Variants in NFIB observed in about 807,000 individuals in gnomAD.
NFIB encodes nuclear factor I B, also known as nuclear factor 1 B-type.
Under a neutral mutation model 61.5 loss-of-function variants are expected in NFIB, and 11 were observed. That is an observed-to-expected ratio of 0.18 (90% CI 0.11 to 0.30). The LOEUF is 0.30. Ranked by LOEUF, NFIB falls within the 10% of genes least tolerant of loss-of-function variation. The pLI is 1.00. For missense variants in NFIB, 471 were observed against 608.9 expected (o/e 0.77, Z 2.38); for synonymous variants, 260 against 216.5 (o/e 1.20, Z -1.76).
intron 2 of NFIB, among the ~76,000 whole-genome samples, chr9:14,182,708 C>CTCTCTCTCTGTGGGTG (rs778914837): frequency 1.0e-5 from 1 of 96,994 alleles, no homozygotes; most frequent in Admixed American, 1.1e-4. Context: ...CTCTCTCTCT[C>CTCTCTCTCTGTGGGTG]TGTGTGTGTG....
At chr9:14,388,367 A>AAGGAAG (rs2061576618) in intron 1 of NFIB, among the ~76,000 whole-genome samples, 14 of 131,922 alleles carry the variant, frequency 1.1e-4, no homozygotes, top group African/African-American at 4.2e-4. Flanking sequence ...AGAGAAAGAA[A>AAGGAAG]GAAGGAAGGA....
intron 10 of NFIB, among the ~76,000 whole-genome samples, chr9:14,111,220 T>G (rs1267503422): frequency 6.6e-6 from 1 of 152,176 alleles, no homozygotes; most frequent in Admixed American, 6.5e-5. Context: ...TTGCTAAGTT[T>G]TCTTGATATA....
At chr9:14,411,298 G>A in the NFIB span, among the ~76,000 whole-genome samples, 1 of 152,130 alleles carries the variant, frequency 6.6e-6, no homozygotes, top group Non-Finnish European at 1.5e-5. Flanking sequence ...TCTCTACATT[G>A]CACCAGTAAT....
upstream of NFIB, among the ~76,000 whole-genome samples, chr9:14,318,604 A>T (rs1350470729): frequency 7.1e-6 from 1 of 140,038 alleles, no homozygotes; most frequent in Non-Finnish European, 1.5e-5. Context: ...ATCAATATTT[A>T]AAAACTAAAT....
At chr9:14,514,076 C>T in the NFIB span, among the ~76,000 whole-genome samples, 2 of 152,016 alleles carry the variant, frequency 1.3e-5, no homozygotes, top group South Asian at 4.2e-4. Flanking sequence ...GAGAATTCAG[C>T]AAATAAAATT....
chr9:14,313,624 ACGGGGCT>A lies in NFIB; in HGVS notation c.-120_-114del. 6.3e-7 allele frequency: 1 copy of A among 1,589,914 alleles called. No homozygotes were observed. Among genetic ancestry groups the A allele is most frequent in the East Asian group, 2.3e-5 (1 of 44,170 alleles). Reference sequence around the variant, plus strand: ...GAGCCCCGCGATGCGATCAATCAGGACGGGGCTCTGCGCTGGATCACCGCAACTTCAC... The same window carrying A: ...GAGCCCCGCGATGCGATCAATCAGGACTGCGCTGGATCACCGCAACTTCAC... On this transcript the variant is annotated 5_prime_UTR_variant, in exon 1 of 11. Transcript: ENST00000380953. The surrounding 1 kb of genome is among the most constrained non-coding windows in gnomAD (Gnocchi z 4.5).
At chr9:14,348,382 A>C (rs994305351) in intron 1 of NFIB, among the ~76,000 whole-genome samples, 1 of 150,960 alleles carries the variant, frequency 6.6e-6, no homozygotes, top group African/African-American at 2.4e-5. Context: ...TTACAGCCTG[A>C]AGCAGCTTAT....
At chr9:14,482,148 G>C in the NFIB span, among the ~76,000 whole-genome samples, 4 of 128,350 alleles carry the variant, frequency 3.1e-5, no homozygotes, top group African/African-American at 1.2e-4. Context: ...CCAAAAACAA[G>C]GTTTTGGTCA....
Position 14,269,429 on chromosome 9 carries a change from C to G in NFIB, c.562+37560G>C, listed in dbSNP as rs186999485. 8.5e-5 allele frequency among the ~76,000 whole-genome samples: 13 copies of G among 152,254 alleles called. No individual in the cohort carries two copies. In the East Asian group the frequency reaches 2.3e-3, roughly 27 times the overall value. On this transcript the variant is annotated intron_variant, in intron 2 of 10. Coordinates refer to ENST00000380953, the MANE Select transcript of NFIB (RefSeq NM_001190737.2). ...CAATACTTTCAGTACTGCTCCCCGA[C>G]CAGGATTTAGTTTGCCAAATTACGA...
Position 14,312,345 on chromosome 9 carries a change from G to A in NFIB, c.30+1137C>T, listed in dbSNP as rs912168435. Among the ~76,000 whole-genome samples the A allele has an allele frequency of 1.5e-4, 23 of 152,228 alleles. No individual in the cohort carries two copies. In the East Asian group the frequency reaches 4.2e-3, roughly 28 times the overall value. ...TTAGATGTTTTTAAAATTTTAACAC[G>A]CCCAAGACTGGCTGACACTTCTTTA... On this transcript the variant is annotated intron_variant, in intron 1 of 10. Coordinates refer to ENST00000380953, the MANE Select transcript of NFIB (RefSeq NM_001190737.2).
the NFIB span, among the ~76,000 whole-genome samples, chr9:14,474,743 G>C: frequency 2.6e-5 from 4 of 152,228 alleles, no homozygotes; most frequent in South Asian, 6.2e-4. Context: ...TTCCAAAAGG[G>C]AGAAATCAAA....
At chr9:14,262,183 A>T (rs1291130004) in intron 2 of NFIB, among the ~76,000 whole-genome samples, 1 of 152,032 alleles carries the variant, frequency 6.6e-6, no homozygotes. Context: ...CAGGCCACCT[A>T]TTTGATGGGA....
chr9:14,527,294 C>T, the NFIB span, among the ~76,000 whole-genome samples: 1 of 152,094 alleles, frequency 6.6e-6, no homozygotes, highest in African/African-American at 2.4e-5. Context: ...CAGATATCAT[C>T]ATCGTTGTTG....
chr9:14,279,692 T>G (rs2058242598), intron 2 of NFIB, among the ~76,000 whole-genome samples: 1 of 152,196 alleles, frequency 6.6e-6, no homozygotes. Flanking sequence ...TATTTGCTCC[T>G]TCTGCACACT....
the NFIB span, among the ~76,000 whole-genome samples, chr9:14,457,010 G>T: frequency 6.6e-6 from 1 of 152,248 alleles, no homozygotes; most frequent in South Asian, 2.1e-4. Flanking sequence ...CCATAACAAT[G>T]AATGAGACAA....
chr9:14,522,293 T>C, the NFIB span, among the ~76,000 whole-genome samples: 1 of 151,524 alleles, frequency 6.6e-6, no homozygotes, highest in Non-Finnish European at 1.5e-5. Context: ...CCAGCGTTTA[T>C]GTGTGTAAAC....
intron 7 of NFIB, among the ~76,000 whole-genome samples, chr9:14,123,206 AAGATC>A (rs2039167200): frequency 6.6e-6 from 1 of 151,578 alleles, no homozygotes; most frequent in Admixed American, 6.6e-5. Context: ...GCAGCGAGCC[AAGATC>A]ACGCCACTAC....
At chr9:14,402,127 A>T (rs1267662016), upstream of NFIB, among the ~76,000 whole-genome samples, 1 of 152,234 alleles carries the variant, frequency 6.6e-6, no homozygotes, top group African/African-American at 2.4e-5. Context: ...CTGCCAGAGC[A>T]TGAAAGAGAC....
At chr9:14,161,199 T>G in intron 3 of NFIB, among the ~76,000 whole-genome samples, 1 of 152,310 alleles carries the variant, frequency 6.6e-6, no homozygotes, top group East Asian at 1.9e-4. Context: ...TCAACTGACT[T>G]GAACTATCCA....
Sources: allele counts gnomAD v4.1 joint callset (sites outside exome capture counted in the v4.1 genomes callset), GRCh38; gene constraint gnomAD v4.1.1; non-coding constraint Gnocchi (gnomAD v3.1); transcripts MANE v1.5; gene names NCBI Gene and HGNC (gene_info 2026-07-23, HGNC 2026-07-21).